Variants in ADAMTS12 observed in about 807,000 individuals in gnomAD.
ADAMTS12 encodes A disintegrin and metalloproteinase with thrombospondin motifs 12.
In ADAMTS12, 118 loss-of-function variants were observed where a neutral mutation model predicts 167.8. The observed-to-expected ratio is 0.70, with a 90% CI of 0.61 to 0.82. The LOEUF is 0.82. Ranked by LOEUF, ADAMTS12 falls within the 40% of genes least tolerant of loss-of-function variation. ADAMTS12 has a pLI of 0.00. For synonymous variants in ADAMTS12, 704 were observed against 716.9 expected, an observed-to-expected ratio of 0.98 and a Z score of 0.29; for missense variants, 1,916 against 1,998.8, an observed-to-expected ratio of 0.96 and a Z score of 0.79.
chr5:33,746,257 G>A (rs1314690571), intron 3 of ADAMTS12, among the ~76,000 whole-genome samples: 1 of 152,166 alleles, frequency 6.6e-6, no homozygotes, highest in African/African-American at 2.4e-5. Context: ...GTGGAGTATG[G>A]TGGTCACTTA....
intron 15 of ADAMTS12, 108 bp downstream of exon 15, chr5:33,615,720 G>A: frequency 6.9e-7 from 1 of 1,439,630 alleles, no homozygotes; most frequent in South Asian, 1.4e-5. Flanking sequence ...CTTGCTAAAA[G>A]AGGTTTTAAA....
chr5:33,843,836 G>A (rs567555887), intron 2 of ADAMTS12, among the ~76,000 whole-genome samples: 50 of 152,318 alleles, frequency 3.3e-4, no homozygotes, highest in Non-Finnish European at 6.0e-4. Flanking sequence ...GCAGGATGGT[G>A]CAAGATCTCC....
In ADAMTS12 at chr5:33,697,991, C is replaced by G. The variant is rs113919840; in HGVS notation, c.635-13936G>C. On this transcript the variant is annotated intron_variant, in intron 3 of 23. Transcript: ENST00000504830. ...TTAGAATTTTAAGCGTTATTCCTAA[C>G]AAGATGGAACAGCCTTACTTCTTAG... Among the ~76,000 whole-genome samples the G allele has an allele frequency of 1.5e-3, 223 of 152,312 alleles. 5 individuals are homozygous for G. The highest frequency in any genetic ancestry group is 0.01 in the Middle Eastern group (3 of 292).
intron 5 of ADAMTS12, among the ~76,000 whole-genome samples, chr5:33,676,173 A>G (rs1358636020): frequency 6.6e-6 from 1 of 152,230 alleles, no homozygotes; most frequent in East Asian, 1.9e-4. Context: ...AAGAAATCAT[A>G]GAAAGCTCAT....
At chr5:33,590,344 CAT>C (rs1747572230) in intron 17 of ADAMTS12, among the ~76,000 whole-genome samples, 1 of 152,194 alleles carries the variant, frequency 6.6e-6, no homozygotes, top group African/African-American at 2.4e-5. Flanking sequence ...TTCCCCAAAA[CAT>C]ATGTGTTAGA....
chr5:33,891,900 C>T lies in ADAMTS12; in HGVS notation c.-44G>A. Reference sequence around the variant, plus strand: ...AAGAAAAGTCAAAAAAGTTTTAGCCCTCAGCTCCAGAAATAAAGCGCTCGC... The same window carrying T: ...AAGAAAAGTCAAAAAAGTTTTAGCCTTCAGCTCCAGAAATAAAGCGCTCGC... On this transcript the variant is annotated 5_prime_UTR_variant, in exon 1 of 24. Coordinates refer to ENST00000504830, the MANE Select transcript of ADAMTS12 (RefSeq NM_030955.4). 1.3e-6 allele frequency: 2 copies of T among 1,599,620 alleles called. No individual in the cohort carries two copies. Among genetic ancestry groups the T allele is most frequent in the Non-Finnish European group, 1.7e-6 (2 of 1,173,326 alleles).
chr5:33,720,612 T>C (rs1743775813), intron 3 of ADAMTS12, among the ~76,000 whole-genome samples: 1 of 152,198 alleles, frequency 6.6e-6, no homozygotes, highest in African/African-American at 2.4e-5. Context: ...TTGAAAATAA[T>C]GTTGTCACCT....
At chr5:33,836,786 A>G (rs372656766) in intron 2 of ADAMTS12, among the ~76,000 whole-genome samples, 1 of 152,188 alleles carries the variant, frequency 6.6e-6, no homozygotes, top group African/African-American at 2.4e-5. Context: ...AGGTACACAG[A>G]CCAGGGCTGG....
At chr5:33,816,119 C>T (rs1031217054) in intron 2 of ADAMTS12, among the ~76,000 whole-genome samples, 2 of 152,218 alleles carry the variant, frequency 1.3e-5, no homozygotes, top group Admixed American at 6.5e-5. Flanking sequence ...AAATGCGCAC[C>T]GCCTGTCAGA....
intron 2 of ADAMTS12, among the ~76,000 whole-genome samples, chr5:33,828,027 T>G (rs1009145456): frequency 3.3e-5 from 5 of 152,154 alleles, no homozygotes; most frequent in African/African-American, 1.2e-4. Context: ...TAATCCTATC[T>G]AAGAATTCCT....
chr5:33,601,012 T>C (rs971582043), intron 16 of ADAMTS12, among the ~76,000 whole-genome samples: 2 of 152,136 alleles, frequency 1.3e-5, no homozygotes, highest in Non-Finnish European at 2.9e-5. Context: ...TCACCTGTTT[T>C]CATGCTCTAT....
chr5:33,854,607 A>C (rs1749335401), intron 2 of ADAMTS12, among the ~76,000 whole-genome samples: 1 of 152,232 alleles, frequency 6.6e-6, no homozygotes. Context: ...TGCTTCTTAA[A>C]ACATAGGTTC....
chr5:33,611,259 T>C (rs1276901988), intron 16 of ADAMTS12, among the ~76,000 whole-genome samples: 3 of 152,106 alleles, frequency 2.0e-5, no homozygotes, highest in Non-Finnish European at 4.4e-5. Context: ...TAAACACTAG[T>C]TTCACGACCC....
intron 2 of ADAMTS12, among the ~76,000 whole-genome samples, chr5:33,839,586 C>A (rs1748667363): frequency 6.6e-6 from 1 of 152,144 alleles, no homozygotes; most frequent in African/African-American, 2.4e-5. Flanking sequence ...GTCTGCGCTC[C>A]ATGCTGAGGG....
intron 3 of ADAMTS12, among the ~76,000 whole-genome samples, chr5:33,709,117 G>C (rs532864584): frequency 8.0e-4 from 122 of 152,212 alleles, no homozygotes; most frequent in South Asian, 5.4e-3. Flanking sequence ...CAACATCACT[G>C]ATCATTAGAG....
intron 23 of ADAMTS12, among the ~76,000 whole-genome samples, chr5:33,532,417 A>T (rs1247615520): frequency 6.6e-6 from 1 of 152,228 alleles, no homozygotes; most frequent in African/African-American, 2.4e-5. Flanking sequence ...TTTACTAGAA[A>T]ATTTACCGAC....
chr5:33,614,351 C>T lies in ADAMTS12; in HGVS notation c.2414G>A (p.Gly805Asp), dbSNP rs2112092958. ...IQLLFQVTNP[G>D]IKYEYTIQKD... is the part of the protein sequence containing the mutation. ...CTGGATTGTGTACTCATACTTGATG[C>T]CAGGGTTAGTCACCTGGAATAGAAG... The change falls in exon 16 of 24, where the codon GGC becomes GAC. Residue 805 changes from glycine to aspartate, a missense_variant. Physicochemically the swap from Gly to Asp is moderately conservative, Grantham distance 94. Coordinates refer to ENST00000504830, the MANE Select transcript of ADAMTS12 (RefSeq NM_030955.4). 1 of 1,614,046 alleles carries T rather than the reference C, an allele frequency of 6.2e-7. No individual in the cohort carries two copies. Among genetic ancestry groups the T allele is most frequent in the African/African-American group, 1.3e-5 (1 of 75,024 alleles).
intron 1 of ADAMTS12, among the ~76,000 whole-genome samples, chr5:33,883,338 T>G (rs1346753481): frequency 1.8e-4 from 27 of 147,474 alleles, no homozygotes; most frequent in East Asian, 7.9e-4. Context: ...TTTTTTTTTT[T>G]TTTGTTTTTT....
chr5:33,747,760 C>G (rs978256972), intron 3 of ADAMTS12, among the ~76,000 whole-genome samples: 4 of 152,054 alleles, frequency 2.6e-5, no homozygotes, highest in Admixed American at 2.6e-4. Flanking sequence ...TATTGAGTAG[C>G]AAAAGGTATA....
Sources: gnomAD v4.1 joint callset for allele counts (sites outside exome capture counted in the v4.1 genomes callset) on GRCh38, gnomAD v4.1.1 for gene constraint, MANE v1.5 for transcripts, NCBI Gene and HGNC (gene_info 2026-07-23, HGNC 2026-07-21) for gene names.